Variants in SYNE1 observed in about 807,000 individuals in gnomAD.
SYNE1 encodes the protein spectrin repeat containing nuclear envelope protein 1, also known as nesprin-1.
In SYNE1, 616 loss-of-function variants were observed where a neutral mutation model predicts 1,111.0. That is an observed-to-expected ratio of 0.55 (90% CI 0.52 to 0.59). The LOEUF (loss-of-function observed/expected upper bound fraction) is 0.59, where lower values mean the gene tolerates loss of function less well. Ranked by LOEUF, SYNE1 falls within the 20% of genes least tolerant of loss-of-function variation. The probability of loss-of-function intolerance (pLI) is 0.00; values close to 1 mark genes in which losing one functional copy is unlikely to be tolerated. For missense variants in SYNE1, 10,006 were observed against 10,417.0 expected, an observed-to-expected ratio of 0.96 and a Z score of 1.72; for synonymous variants, 3,855 against 3,825.8, an observed-to-expected ratio of 1.01 and a Z score of -0.28.
intron 117 of SYNE1, among the ~76,000 whole-genome samples, chr6:152,223,343 C>A (rs914766030): frequency 1.3e-5 from 2 of 152,084 alleles, no homozygotes; most frequent in African/African-American, 4.8e-5. Context: ...GAAAGTCGGC[C>A]GGGCATGGTG....
At chr6:152,542,526 C>A (rs916530518) in intron 3 of SYNE1, among the ~76,000 whole-genome samples, 4 of 151,874 alleles carry the variant, frequency 2.6e-5, no homozygotes, top group Non-Finnish European at 4.4e-5. Context: ...AAGTATTAAT[C>A]CATTAATTCT....
At chr6:152,374,696 C>T (rs1055342590) in intron 58 of SYNE1, among the ~76,000 whole-genome samples, 3 of 151,986 alleles carry the variant, frequency 2.0e-5, no homozygotes, top group Admixed American at 6.5e-5. Flanking sequence ...ATTGCTTGAA[C>T]GTGGGAGGCA....
chr6:152,281,504 T>C (rs541432671), intron 97 of SYNE1, among the ~76,000 whole-genome samples: 1 of 152,346 alleles, frequency 6.6e-6, no homozygotes, highest in South Asian at 2.1e-4. Context: ...ATTCTCCCCA[T>C]TGGCTTTGTA....
intron 55 of SYNE1, 99 bp from the exon 56 acceptor site, chr6:152,381,461 G>C (rs2097414124): frequency 1.3e-5 from 16 of 1,191,596 alleles, no homozygotes; most frequent in Non-Finnish European, 2.0e-5. Context: ...CTGCCAGGAA[G>C]TTTTAACAAG....
intron 20 of SYNE1, among the ~76,000 whole-genome samples, chr6:152,462,311 T>C (rs927663114): frequency 6.6e-6 from 1 of 152,222 alleles, no homozygotes; most frequent in African/African-American, 2.4e-5. Context: ...TTTTCTCATG[T>C]AACAATATAT....
chr6:152,505,381 C>T lies in SYNE1; in HGVS notation c.598G>A (p.Val200Ile), dbSNP rs1467783489. 3.0e-5 allele frequency: 48 copies of T among 1,613,862 alleles called. No individual in the cohort carries two copies. The highest frequency in any genetic ancestry group is 1.1e-4 in the East Asian group (5 of 44,892). ...YTAGKQTGIE[V>I]KDFGKSWRSG... ...CTCCAACTCTTCCCAAAATCTTTTACTTCTATTCCAGTCTGCCTTTGTGTT... is the reference window on the plus strand; with the variant it reads ...CTCCAACTCTTCCCAAAATCTTTTATTTCTATTCCAGTCTGCCTTTGTGTT... Residue 200 changes from valine (V) to isoleucine (I), a missense_variant, in exon 9 of 146, where the codon GTA becomes ATA. This residue lies in a region of SYNE1 where 1,971 missense variants were observed against 2,084.1 expected (regional missense o/e 0.95). Coordinates refer to ENST00000367255, the MANE Select transcript of SYNE1 (RefSeq NM_182961.4).
chr6:152,177,576 G>C (rs1380270724), intron 129 of SYNE1, among the ~76,000 whole-genome samples: 1 of 152,132 alleles, frequency 6.6e-6, no homozygotes, highest in Non-Finnish European at 1.5e-5. Flanking sequence ...GGGCCCCAGG[G>C]GAATGGTAGG....
chr6:152,308,630 T>C lies in SYNE1; in HGVS notation c.17205A>G (p.Glu5735=). 6.4e-7 allele frequency: 1 copy of C among 1,563,274 alleles called. No homozygotes were observed. The highest frequency in any genetic ancestry group is 8.6e-7 in the Non-Finnish European group (1 of 1,163,596). The change falls in exon 91 of 146, where the codon GAA becomes GAG. Residue 5735 remains glutamate (E), a splice_region_variant and synonymous_variant. Coordinates refer to ENST00000367255, the MANE Select transcript of SYNE1 (RefSeq NM_182961.4). ...CATATTGTTCATATTGTACCACAGC[T>C]TCCTTTGAAAAAAAAAAAAAACAGA... is the stretch of plus-strand genomic sequence containing the variant. ...TAIQQCNIMQ[E]AVVQYEQYEQ... is the part of the protein sequence containing the mutation.
rs2098157118 is a variant in SYNE1, at chr6:152,416,472, C to G, written c.5965G>C (p.Glu1989Gln). ...LKKAFQDQKEELLKSIEDIEE... is the reference protein window; with the variant it reads ...LKKAFQDQKEQLLKSIEDIEE... ...ATGTCCTCAATGCTTTTCAGAAGCT[C>G]CTCTTTCTGGTCTTGGAATGCTTTT... Residue 1989 changes from glutamate (E) to glutamine (Q), a missense_variant, in exon 41 of 146, where the codon GAG becomes CAG. By Grantham distance (29) the Glu-to-Gln change is conservative. Transcript: ENST00000367255. 6 of 1,613,990 alleles carry G rather than the reference C, an allele frequency of 3.7e-6. No homozygotes were observed. The South Asian group carries it at 6.6e-5, about 18-fold the overall frequency.
rs138041053 is a variant in SYNE1, at chr6:152,612,926, G to T, written c.67+15339C>A. On this transcript the variant is annotated intron_variant, in intron 3 of 145. Transcript: ENST00000367255. Reference sequence around the variant, plus strand: ...TGATTATCTCAATAGATGCAGAAAAGGCCTTTGACAAAATTCAACAGTGCT... The same window carrying T: ...TGATTATCTCAATAGATGCAGAAAATGCCTTTGACAAAATTCAACAGTGCT... Among the ~76,000 whole-genome samples, 708 of 152,186 alleles carry T rather than the reference G, an allele frequency of 4.7e-3. 19 individuals carry two copies. The highest frequency in any genetic ancestry group is 0.044 in the Admixed American group (665 of 15,276).
chr6:152,231,607 G>A (rs1338974960), intron 113 of SYNE1, 40 bp from the exon 114 acceptor site: 2 of 1,595,110 alleles, frequency 1.3e-6, no homozygotes, highest in Non-Finnish European at 1.7e-6. Flanking sequence ...TACAATAAAT[G>A]TCTCATTAGT....
Position 152,358,250 on chromosome 6 carries a change from T to A in SYNE1, c.10608+123A>T, listed in dbSNP as rs762562825. The A allele has an allele frequency of 4.1e-5, 53 of 1,290,732 alleles. No individual in the cohort carries two copies. The Admixed American group carries it at 9.0e-4, about 22-fold the overall frequency. The allele number at this position is 1,290,732 out of a possible 1,614,324, so 80.0% of individuals were successfully genotyped here. On this transcript the variant is annotated intron_variant, in intron 66 of 145. Transcript: ENST00000367255. ...TGTTCTTGATCAAACCTTATGGGGA[T>A]TGCACTTAATGTGTATCAACTAGCC...
chr6:152,451,044 T>C lies in SYNE1; in HGVS notation c.3186+3A>G. ...TATCCACATTGTGGTGTGGGAGACG[T>C]ACCCTGTGCTCTTTAATTATCTTTT... is the stretch of plus-strand genomic sequence containing the variant. On this transcript the variant is annotated splice_donor_region_variant and intron_variant, in intron 26 of 145. Coordinates refer to ENST00000367255, the MANE Select transcript of SYNE1 (RefSeq NM_182961.4). The C allele has an allele frequency of 6.2e-7, 1 of 1,614,198 alleles. No individual in the cohort carries two copies. Among genetic ancestry groups the C allele is most frequent in the Non-Finnish European group, 8.5e-7 (1 of 1,180,040 alleles).
chr6:152,424,743 T>C (rs916579861), intron 39 of SYNE1, among the ~76,000 whole-genome samples: 1 of 152,206 alleles, frequency 6.6e-6, no homozygotes, highest in African/African-American at 2.4e-5. Context: ...TTCCAGCACA[T>C]AGAAGAGTAT....
At chr6:152,366,261 G>C (rs907199130) in intron 62 of SYNE1, among the ~76,000 whole-genome samples, 1 of 152,160 alleles carries the variant, frequency 6.6e-6, no homozygotes, top group Non-Finnish European at 1.5e-5. Context: ...GAACCCAGGA[G>C]GCAGAGGTTG....
At chr6:152,457,546 G>A (rs1175433652) in intron 22 of SYNE1, among the ~76,000 whole-genome samples, 2 of 152,038 alleles carry the variant, frequency 1.3e-5, no homozygotes, top group African/African-American at 4.8e-5. Flanking sequence ...CATACAATCT[G>A]TTTACTAAAA....
intron 87 of SYNE1, among the ~76,000 whole-genome samples, chr6:152,314,746 T>G (rs936772937): frequency 6.6e-6 from 1 of 151,402 alleles, no homozygotes; most frequent in Non-Finnish European, 1.5e-5. Flanking sequence ...AGGCCAGGAG[T>G]TTGAGACCAG....
chr6:152,485,856 C>A (rs1454170349), intron 12 of SYNE1, among the ~76,000 whole-genome samples: 1 of 152,114 alleles, frequency 6.6e-6, no homozygotes, highest in East Asian at 1.9e-4. Context: ...AGAATTTTAT[C>A]TACAAGGTTT....
At chr6:152,293,826 C>T in intron 94 of SYNE1, 77 bp from the exon 95 acceptor site, 1 of 1,611,470 alleles carries the variant, frequency 6.2e-7, no homozygotes, top group South Asian at 1.1e-5. Flanking sequence ...TTCTTCAGTG[C>T]TTTACCTCTG....
Sources: allele counts gnomAD v4.1 joint callset (sites outside exome capture counted in the v4.1 genomes callset), GRCh38; gene constraint gnomAD v4.1.1; regional missense constraint gnomAD v4.1.1; transcripts MANE v1.5; gene names NCBI Gene and HGNC (gene_info 2026-07-23, HGNC 2026-07-21).